RERE: variants seen among roughly 807,000 people sequenced by gnomAD.
RERE encodes arginine-glutamic acid dipeptide repeats protein.
Under a neutral mutation model 146.1 loss-of-function variants are expected in RERE, and 40 were observed. The observed-to-expected ratio is 0.27, with a 90% CI of 0.21 to 0.36. The LOEUF (loss-of-function observed/expected upper bound fraction) is 0.36. RERE is among the 10% of genes least tolerant of loss of function. The pLI is 1.00. For synonymous variants in RERE, 1,003 were observed against 866.0 expected (o/e 1.16, Z -2.78); for missense variants, 1,933 against 2,138.7 (o/e 0.90, Z 1.90).
intron 8 of RERE, among the ~76,000 whole-genome samples, chr1:8,503,123 T>TAAAA (rs1645202865): frequency 6.7e-6 from 1 of 150,156 alleles, no homozygotes; most frequent in Admixed American, 6.6e-5. Flanking sequence ...AATAAATAAA[T>TAAAA]AAATAAAAAA....
At chr1:8,531,297 G>C (rs1480310625) in intron 7 of RERE, among the ~76,000 whole-genome samples, 2 of 151,964 alleles carry the variant, frequency 1.3e-5, no homozygotes, top group Non-Finnish European at 2.9e-5. Context: ...ACAAAAATAA[G>C]TCAGGCGTGA....
intron 1 of RERE, among the ~76,000 whole-genome samples, chr1:8,736,994 G>C (rs1640214904): frequency 2.0e-5 from 3 of 151,740 alleles, no homozygotes; most frequent in Admixed American, 6.6e-5. Flanking sequence ...AAAAACAAAT[G>C]ATTATCTTTC....
In RERE at chr1:8,504,054, C is replaced by T. The variant is rs371489205; in HGVS notation, c.879+4573G>A. 8.5e-5 allele frequency among the ~76,000 whole-genome samples: 13 copies of T among 152,316 alleles called. 1 individual carries two copies. In the East Asian group the frequency reaches 2.5e-3, roughly 29 times the overall value. On this transcript the variant is annotated intron_variant, in intron 8 of 22. Coordinates refer to ENST00000400908, the MANE Select transcript of RERE (RefSeq NM_001042681.2). Reference sequence around the variant, plus strand: ...TCTGAATTTGAATTGGATGTATCAGCATAAATTTAGAATGTATTTTATCTT... The same window carrying T: ...TCTGAATTTGAATTGGATGTATCAGTATAAATTTAGAATGTATTTTATCTT...
rs981129964 is a variant in RERE, at chr1:8,556,540, T to C, written c.660A>G (p.Pro220=). 6 of 1,610,258 alleles carry C rather than the reference T, an allele frequency of 3.7e-6. No homozygotes were observed. Among genetic ancestry groups the C allele is most frequent in the Non-Finnish European group, 5.1e-6 (6 of 1,176,506 alleles). Residue 220 remains proline, a synonymous_variant, in exon 6 of 23, where the codon CCA becomes CCG. Coordinates refer to ENST00000400908, the MANE Select transcript of RERE (RefSeq NM_001042681.2). ...DSGRELVITD[P]VIKNRELFIS... ...TGAAGAGCTCTCGGTTCTTGATAACTGGGTCTGTAATGACAAGTTCTCTTC... is the reference window on the plus strand; with the variant it reads ...TGAAGAGCTCTCGGTTCTTGATAACCGGGTCTGTAATGACAAGTTCTCTTC...
intron 20 of RERE, 69 bp downstream of exon 20, chr1:8,358,127 G>T: frequency 6.6e-7 from 1 of 1,525,446 alleles, no homozygotes; most frequent in South Asian, 1.3e-5. Flanking sequence ...CCTGGATGGT[G>T]ACTGTCACTC....
intron 11 of RERE, chr1:8,425,698 A>G (rs1159210169): frequency 6.6e-6 from 1 of 152,272 alleles, no homozygotes; most frequent in Non-Finnish European, 1.5e-5. Context: ...AGGTCCAGTA[A>G]AAGAGGCCTA....
chr1:8,475,722 C>T (rs946667376), intron 10 of RERE, among the ~76,000 whole-genome samples: 2 of 151,514 alleles, frequency 1.3e-5, no homozygotes, highest in Non-Finnish European at 1.5e-5. Flanking sequence ...TTTCTTATAA[C>T]CATAATTCAC....
chr1:8,541,352 C>T (rs1448442317), intron 6 of RERE, 34 bp from the exon 7 acceptor site: 2 of 1,389,346 alleles, frequency 1.4e-6, no homozygotes, highest in African/African-American at 2.9e-5. Flanking sequence ...TTAGTAATAC[C>T]CTCAACTGCT....
chr1:8,795,478 A>C (rs549597093), intron 1 of RERE, among the ~76,000 whole-genome samples: 24 of 152,192 alleles, frequency 1.6e-4, no homozygotes, highest in African/African-American at 5.8e-4. Flanking sequence ...TATATTTTCA[A>C]GGTATTTCCA....
intron 10 of RERE, among the ~76,000 whole-genome samples, chr1:8,478,354 GA>G (rs1239790092): frequency 1.3e-5 from 2 of 152,008 alleles, no homozygotes; most frequent in East Asian, 1.9e-4. Context: ...TAAAATGGAA[GA>G]AAAAAAGTAA....
intron 4 of RERE, among the ~76,000 whole-genome samples, chr1:8,598,788 T>A (rs1225538683): frequency 6.6e-6 from 1 of 152,208 alleles, no homozygotes; most frequent in Non-Finnish European, 1.5e-5. Flanking sequence ...CCTCACCTCA[T>A]GGTTTTGCTA....
intron 7 of RERE, among the ~76,000 whole-genome samples, chr1:8,530,817 G>C (rs368290853): frequency 1.4e-5 from 2 of 146,584 alleles, no homozygotes. Context: ...TCAGCCTCCC[G>C]AGTAGCTGGG....
At chr1:8,572,435 G>A (rs892692153) in intron 4 of RERE, among the ~76,000 whole-genome samples, 9 of 152,136 alleles carry the variant, frequency 5.9e-5, no homozygotes, top group African/African-American at 2.2e-4. Context: ...GAATACTACA[G>A]ACAGGAATCC....
At chr1:8,470,537 G>A (rs998717444) in intron 10 of RERE, among the ~76,000 whole-genome samples, 2 of 152,140 alleles carry the variant, frequency 1.3e-5, no homozygotes, top group African/African-American at 4.8e-5. Flanking sequence ...ACAGGCATGA[G>A]TCACCACGCC....
chr1:8,587,447 A>G (rs147582796), intron 4 of RERE, among the ~76,000 whole-genome samples: 89 of 152,276 alleles, frequency 5.8e-4, no homozygotes, highest in African/African-American at 1.7e-3. Flanking sequence ...GACAGCAAAG[A>G]CACATTTTTG....
intron 7 of RERE, among the ~76,000 whole-genome samples, chr1:8,532,804 A>G (rs1198236082): frequency 6.6e-6 from 1 of 152,168 alleles, no homozygotes; most frequent in Non-Finnish European, 1.5e-5. Context: ...CATGTTGGCC[A>G]GACTGGTCTT....
intron 11 of RERE, among the ~76,000 whole-genome samples, chr1:8,442,523 A>G (rs192944761): frequency 1.5e-3 from 221 of 152,290 alleles, no homozygotes; most frequent in African/African-American, 5.0e-3. Flanking sequence ...GAAGCCACAC[A>G]GACGCCAGCA....
intron 4 of RERE, among the ~76,000 whole-genome samples, chr1:8,613,500 T>G (rs1475669284): frequency 3.9e-5 from 6 of 152,164 alleles, no homozygotes; most frequent in African/African-American, 7.2e-5. Flanking sequence ...ACCCAGCTCC[T>G]CAAAACCTAC....
intron 11 of RERE, among the ~76,000 whole-genome samples, chr1:8,458,826 T>C (rs1008409157): frequency 5.3e-5 from 8 of 152,240 alleles, no homozygotes; most frequent in African/African-American, 1.9e-4. Flanking sequence ...AGGTCACAGC[T>C]GAATCTGTAC....
Sources: gnomAD v4.1 joint callset for allele counts (sites outside exome capture counted in the v4.1 genomes callset) on GRCh38, gnomAD v4.1.1 for gene constraint, MANE v1.5 for transcripts, NCBI Gene and HGNC (gene_info 2026-07-23, HGNC 2026-07-21) for gene names.